The following MMP9 variants were observed in gnomAD, a reference collection of about 807,000 sequenced individuals.
The protein encoded by MMP9 is matrix metalloproteinase-9.
In MMP9, 73 loss-of-function variants were observed where a neutral mutation model predicts 76.4. That is an observed-to-expected ratio of 0.96 (90% confidence interval 0.79 to 1.16). The LOEUF is 1.16. Ranked by LOEUF, MMP9 falls within the 50% of genes most tolerant of loss-of-function variation. The pLI is 0.00. For missense variants in MMP9, 943 were observed against 973.0 expected (o/e 0.97, Z 0.41); for synonymous variants, 412 against 408.4 (o/e 1.01, Z -0.11).
In MMP9 at chr20:46,014,143, C is replaced by CT; in HGVS notation, c.1770_1771insT (p.Thr591TyrfsTer97). 6.5e-7 allele frequency: 1 copy of CT among 1,536,290 alleles called. No homozygotes were observed. The highest frequency in any genetic ancestry group is 8.7e-7 in the Non-Finnish European group (1 of 1,146,602). On this transcript the variant is annotated frameshift_variant, in exon 11 of 13. Coordinates refer to ENST00000372330, the MANE Select transcript of MMP9 (RefSeq NM_004994.3). LOFTEE classifies it high-confidence loss of function. ...CTGCAGGGCGCCAGGTGTGGGTGTA[C>CT]ACAGGCGCGTCGGTGCTGGGCCCGA...
In MMP9 at chr20:46,014,278, A is replaced by G. The variant is rs756800412; in HGVS notation, c.1901+4A>G. 1.4e-6 allele frequency: 2 copies of G among 1,447,252 alleles called. No homozygotes were observed. Among genetic ancestry groups the G allele is most frequent in the African/African-American group, 1.4e-5 (1 of 69,408 alleles). The allele number at this position is 1,447,252 out of a possible 1,614,324, so 89.7% of individuals were successfully genotyped here. On this transcript the variant is annotated splice_donor_region_variant and intron_variant, in intron 11 of 12. Coordinates refer to ENST00000372330, the MANE Select transcript of MMP9 (RefSeq NM_004994.3). ...TCAGCGGGCGGCGCCTCTGGAGGTG[A>G]GCGCCGCCGCGGCCGCCGGCAGGGG...
Position 46,010,106 on chromosome 20 carries a change from G to C in MMP9, c.371+8G>C. 4 of 1,541,582 alleles carry C rather than the reference G, an allele frequency of 2.6e-6. No individual in the cohort carries two copies. The highest frequency in any genetic ancestry group is 3.5e-6 in the Non-Finnish European group (4 of 1,140,432). On this transcript the variant is annotated splice_region_variant and intron_variant, in intron 2 of 12. Coordinates refer to ENST00000372330, the MANE Select transcript of MMP9 (RefSeq NM_004994.3). Reference sequence around the variant, plus strand: ...CCACAACATCACCTATTGGTGAGCCGGGGCCGTGGGGGCAGCGGGGTGGGG... The same window carrying C: ...CCACAACATCACCTATTGGTGAGCCCGGGCCGTGGGGGCAGCGGGGTGGGG...
Position 46,016,461 on chromosome 20 carries a change from G to C in MMP9, c.*93G>C, listed in dbSNP as rs200574826. On this transcript the variant is annotated 3_prime_UTR_variant, in exon 13 of 13. Coordinates refer to ENST00000372330, the MANE Select transcript of MMP9 (RefSeq NM_004994.3). ...TTTGCCGGATACAAACTGGTATTCT[G>C]TTCTGGAGGAAAGGGAGGAGTGGAG... 39 of 1,033,236 alleles carry C rather than the reference G, an allele frequency of 3.8e-5. No homozygotes were observed. The highest frequency in any genetic ancestry group is 3.7e-5 in the Non-Finnish European group (24 of 654,188). The allele number at this position is 1,033,236 out of a possible 1,614,324, so 64.0% of individuals were successfully genotyped here.
chr20:46,012,644 AG>A, intron 8 of MMP9, 62 bp downstream of exon 8: 1 of 1,354,582 alleles, frequency 7.4e-7, no homozygotes, highest in Non-Finnish European at 1.0e-6. Flanking sequence ...ACAGTACCAA[AG>A]AATTGGGGGT....
chr20:46,012,028 C>G (rs1442806194), intron 6 of MMP9, 109 bp from the exon 7 acceptor site: 2 of 1,437,676 alleles, frequency 1.4e-6, no homozygotes, highest in Non-Finnish European at 1.9e-6. Context: ...CAGGAGTGCT[C>G]TACAGCGCCC....
At position 46,013,956 on chromosome 20, in the gene MMP9, C is replaced by A; in HGVS notation, c.1750+160C>A. The A allele has an allele frequency of 7.2e-7, 1 of 1,389,760 alleles. No individual in the cohort carries two copies. The highest frequency in any genetic ancestry group is 9.8e-7 in the Non-Finnish European group (1 of 1,024,148). The allele number at this position is 1,389,760 out of a possible 1,614,324, so 86.1% of individuals were successfully genotyped here. On this transcript the variant is annotated intron_variant, in intron 10 of 12. Transcript: ENST00000372330. The surrounding 1 kb of genome is among the most constrained non-coding windows in gnomAD (Gnocchi z 4.5). Reference sequence around the variant, plus strand: ...CGTAGGGGCGGCTGAGTTTCTGCCCCCTCCTCTCCACGCCCTCGCGTCGCT... The same window carrying A: ...CGTAGGGGCGGCTGAGTTTCTGCCCACTCCTCTCCACGCCCTCGCGTCGCT...
Position 46,011,571 on chromosome 20 carries a change from C to T in MMP9, c.824-3C>T. On this transcript the variant is annotated splice_region_variant and splice_polypyrimidine_tract_variant and intron_variant, in intron 5 of 12. Coordinates refer to ENST00000372330, the MANE Select transcript of MMP9 (RefSeq NM_004994.3). ...CCCCTTTCCCACATCCTCCTCGCCC[C>T]AGGACTCTACACCCAGGACGGCAAT... The T allele has an allele frequency of 6.2e-7, 1 of 1,614,030 alleles. No individual in the cohort carries two copies. Among genetic ancestry groups the T allele is most frequent in the Non-Finnish European group, 8.5e-7 (1 of 1,179,998 alleles).
intron 3 of MMP9, 141 bp from the exon 4 acceptor site, chr20:46,010,781 C>G: frequency 1.9e-6 from 3 of 1,557,360 alleles, no homozygotes; most frequent in Non-Finnish European, 8.7e-7. Context: ...AGACAGTGCA[C>G]AGGGCCAGGG....
At position 46,011,031 on chromosome 20, in the gene MMP9, G is replaced by A. The variant is rs200618210; in HGVS notation, c.630G>A (p.Trp210Ter). 12 of 1,610,262 alleles carry A rather than the reference G, an allele frequency of 7.5e-6. No homozygotes were observed. The East Asian group carries it at 2.5e-4, about 33-fold the overall frequency. Residue 210 changes from tryptophan to a stop codon, truncating the protein, a stop_gained, in exon 4 of 13, where the codon TGG becomes TGA. Transcript: ENST00000372330. LOFTEE classifies it high-confidence loss of function. ...GDAHFDDDEL[W>*]SLGKGVVVPT... ...CCCATTTCGACGATGACGAGTTGTG[G>A]TCCCTGGGCAAGGGCGTCGGTGAGA...
At chr20:46,014,046 C>T (rs925221345) in intron 10 of MMP9, 78 bp from the exon 11 acceptor site, 46 of 1,526,596 alleles carry the variant, frequency 3.0e-5, no homozygotes, top group Non-Finnish European at 3.7e-5. Context: ...AAGGCCTCGC[C>T]GGAATCTCCC....
chr20:46,012,192 C>A lies in MMP9; in HGVS notation c.1053C>A (p.Phe351Leu), dbSNP rs1295678714. ...CGGGGGAGCTGTGCGTCTTCCCCTTCACTTTCCTGGGTAAGGAGTACTCGA... is the reference window on the plus strand; with the variant it reads ...CGGGGGAGCTGTGCGTCTTCCCCTTAACTTTCCTGGGTAAGGAGTACTCGA... ...NSAGELCVFP[F>L]TFLGKEYSTC... is the part of the protein sequence containing the mutation. The change falls in exon 7 of 13, where the codon TTC (phenylalanine) becomes TTA (leucine). Residue 351 changes from phenylalanine (F) to leucine (L), a missense_variant. By Grantham distance (22) the Phe-to-Leu change is conservative (BLOSUM62 0). Transcript: ENST00000372330. 6.2e-7 allele frequency: 1 copy of A among 1,614,200 alleles called. No individual in the cohort carries two copies.
At chr20:46,009,837 C>A (rs1172610376) in intron 1 of MMP9, 29 bp from the exon 2 acceptor site, 1 of 1,541,980 alleles carries the variant, frequency 6.5e-7, no homozygotes, top group Admixed American at 2.0e-5. Flanking sequence ...GGTCAGAGAT[C>A]TGGCATGTGT....
rs752834122 is a variant in MMP9, at chr20:46,011,663, G to A, written c.913G>A (p.Asp305Asn). 1.1e-5 allele frequency: 18 copies of A among 1,614,018 alleles called. No individual in the cohort carries two copies. The South Asian group carries it at 1.8e-4, about 16-fold the overall frequency. Reference sequence around the variant, plus strand: ...CCAATCCTACTCCGCCTGCACCACGGACGGTCGCTCCGACGGCTACCGCTG... The same window carrying A: ...CCAATCCTACTCCGCCTGCACCACGAACGGTCGCTCCGACGGCTACCGCTG... ...QGQSYSACTT[D>N]GRSDGYRWCA... is the part of the protein sequence containing the mutation. Residue 305 changes from aspartate (D) to asparagine (N), a missense_variant, in exon 6 of 13, where the codon GAC becomes AAC. Asp to Asn is a conservative substitution (Grantham distance 23, BLOSUM62 1). Coordinates refer to ENST00000372330, the MANE Select transcript of MMP9 (RefSeq NM_004994.3).
rs1171543612 is a variant in MMP9, at chr20:46,012,444, G to C, written c.1192G>C (p.Val398Leu). Residue 398 changes from valine to leucine, a missense_variant, in exon 8 of 13, where the codon GTG becomes CTG. Val to Leu is a conservative substitution (Grantham distance 32). Coordinates refer to ENST00000372330, the MANE Select transcript of MMP9 (RefSeq NM_004994.3). Reference sequence around the variant, plus strand: ...CCCTCCAGGATACAGTTTGTTCCTCGTGGCGGCGCATGAGTTCGGCCACGC... The same window carrying C: ...CCCTCCAGGATACAGTTTGTTCCTCCTGGCGGCGCATGAGTTCGGCCACGC... ...CPDQGYSLFL[V>L]AAHEFGHALG... 1.2e-6 allele frequency: 2 copies of C among 1,614,142 alleles called. No individual in the cohort carries two copies. Among genetic ancestry groups the C allele is most frequent in the Admixed American group, 1.7e-5 (1 of 60,028 alleles).
intron 1 of MMP9, 89 bp downstream of exon 1, chr20:46,009,153 C>G: frequency 2.8e-6 from 4 of 1,407,022 alleles, no homozygotes; most frequent in Non-Finnish European, 3.9e-6. Context: ...AGAGGAGATG[C>G]TTTAGGGGTG....
chr20:46,013,648 C>T lies in MMP9; in HGVS notation c.1611-9C>T. 1 of 1,614,134 alleles carries T rather than the reference C, an allele frequency of 6.2e-7. No individual in the cohort carries two copies. Reference sequence around the variant, plus strand: ...TTAGAGCCCGTCCTTTCCCTCCTCGCTTTCTCAGGAAGTACTGGCGATTCT... The same window carrying T: ...TTAGAGCCCGTCCTTTCCCTCCTCGTTTTCTCAGGAAGTACTGGCGATTCT... On this transcript the variant is annotated splice_polypyrimidine_tract_variant and intron_variant, in intron 9 of 12. Transcript: ENST00000372330. The surrounding 1 kb of genome is among the most constrained non-coding windows in gnomAD (Gnocchi z 4.5).
rs2084308502 is a variant in MMP9 at position 46,014,683 on chromosome 20, C to T, written c.2005+209C>T. ...CCAGGACCCAGATTTCCTGCCTCCC[C>T]GGCTGGAAGCTCTTTCTCCTTCAGT... On this transcript the variant is annotated intron_variant, in intron 12 of 12. Transcript: ENST00000372330. The T allele has an allele frequency of 8.1e-6, 5 of 618,398 alleles. No homozygotes were observed. In the Admixed American group the frequency reaches 1.1e-4, roughly 13 times the overall value. 38.3% of individuals were successfully genotyped at this position (618,398 alleles called of 1,614,324 possible).
chr20:46,014,154 C>G lies in MMP9; in HGVS notation c.1781C>G (p.Ser594Trp). 6.5e-7 allele frequency: 1 copy of G among 1,537,174 alleles called. No homozygotes were observed. The highest frequency in any genetic ancestry group is 8.7e-7 in the Non-Finnish European group (1 of 1,146,568). Residue 594 changes from serine to tryptophan, a missense_variant, in exon 11 of 13, where the codon TCG becomes TGG. Coordinates refer to ENST00000372330, the MANE Select transcript of MMP9 (RefSeq NM_004994.3). ...CAGGTGTGGGTGTACACAGGCGCGT[C>G]GGTGCTGGGCCCGAGGCGTCTGGAC... ...GRQVWVYTGASVLGPRRLDKL... is the reference protein window; with the variant it reads ...GRQVWVYTGAWVLGPRRLDKL...
Position 46,014,168 on chromosome 20 carries a change from A to G in MMP9, c.1795A>G (p.Arg599Gly). ...CACAGGCGCGTCGGTGCTGGGCCCG[A>G]GGCGTCTGGACAAGCTGGGCCTGGG... ...VYTGASVLGP[R>G]RLDKLGLGAD... The change falls in exon 11 of 13, where the codon AGG becomes GGG. Residue 599 changes from arginine to glycine, a missense_variant. Coordinates refer to ENST00000372330, the MANE Select transcript of MMP9 (RefSeq NM_004994.3). The G allele has an allele frequency of 6.5e-7, 1 of 1,538,234 alleles. No homozygotes were observed. The highest frequency in any genetic ancestry group is 1.2e-5 in the South Asian group (1 of 83,952).
Sources: gnomAD v4.1 joint callset for allele counts on GRCh38, gnomAD v4.1.1 for gene constraint, Gnocchi (gnomAD v3.1) non-coding constraint, MANE v1.5 for transcripts, NCBI Gene and HGNC (gene_info 2026-07-23, HGNC 2026-07-21) for gene names.